NAV2: variants seen among roughly 807,000 people sequenced by gnomAD.
NAV2 encodes the protein neuron navigator 2, also known as helicase, APC down-regulated 1.
A neutral mutation model predicts 223.2 loss-of-function variants in NAV2; 54 were observed. The ratio of observed to expected loss-of-function variants is 0.24; its 90% confidence interval spans 0.19 to 0.30. The LOEUF is 0.30. Among genes scored for constraint, NAV2 ranks in the 10% least tolerant of loss-of-function variants. NAV2 has a pLI of 1.00. For missense variants in NAV2, 2,806 were observed against 3,147.5 expected, an observed-to-expected ratio of 0.89 and a Z score of 2.60; for synonymous variants, 1,279 against 1,239.3, an observed-to-expected ratio of 1.03 and a Z score of -0.67.
intron 1 of NAV2, among the ~76,000 whole-genome samples, chr11:19,661,917 A>G (rs886310141): frequency 6.6e-6 from 1 of 152,190 alleles, no homozygotes; most frequent in Non-Finnish European, 1.5e-5. Context: ...GGGCTCTTGA[A>G]TTTGAGGTGA....
chr11:19,630,922 C>CAAA (rs10642100), intron 1 of NAV2, among the ~76,000 whole-genome samples: 1,740 of 99,950 alleles, frequency 0.017, 89 homozygotes, highest in African/African-American at 0.063. Flanking sequence ...GGTCCTGTTG[C>CAAA]AAAAAAAAAA....
intron 10 of NAV2, among the ~76,000 whole-genome samples, chr11:19,959,443 G>C (rs1412488941): frequency 6.6e-6 from 1 of 152,180 alleles, no homozygotes; most frequent in Non-Finnish European, 1.5e-5. Flanking sequence ...TGGGGACCTT[G>C]TAAGTTCTCA....
intron 1 of NAV2, among the ~76,000 whole-genome samples, chr11:19,445,437 C>T (rs536679087): frequency 6.6e-6 from 1 of 152,280 alleles, no homozygotes; most frequent in East Asian, 1.9e-4. Flanking sequence ...TTCATGTTAA[C>T]TTGTTTAATC....
At chr11:19,714,528 A>G (rs1432604669) in intron 1 of NAV2, 2 of 448,722 alleles carry the variant, frequency 4.5e-6, no homozygotes, top group South Asian at 1.6e-5. Context: ...ATTCCGGGCA[A>G]GGTGCTGGGA....
intron 4 of NAV2, among the ~76,000 whole-genome samples, chr11:19,869,901 C>G (rs2062366564): frequency 1.3e-5 from 2 of 152,198 alleles, no homozygotes; most frequent in South Asian, 4.1e-4. Context: ...TGGATTCCAT[C>G]TGGGACCTGT....
Position 20,049,071 on chromosome 11 carries a change from A to G in NAV2, c.4246A>G (p.Ile1416Val), listed in dbSNP as rs770353589. The change falls in exon 15 of 38, where the codon ATC becomes GTC. Residue 1416 changes from isoleucine (I) to valine (V), a missense_variant. Physicochemically the swap from Ile to Val is conservative, Grantham distance 29 (BLOSUM62 3). Transcript: ENST00000349880. ...CCACACCAGCTGTGAGTCCATCGAC[A>G]TCTCCCTCAGCAGTGGAGGGGTCCC... Reference protein sequence around the residue: ...SLHTSCESIDISLSSGGVPSH... With the variant: ...SLHTSCESIDVSLSSGGVPSH... 6.2e-7 allele frequency: 1 copy of G among 1,614,070 alleles called. No individual in the cohort carries two copies. Among genetic ancestry groups the G allele is most frequent in the South Asian group, 1.1e-5 (1 of 91,060 alleles).
chr11:19,790,344 G>A (rs973264182), intron 1 of NAV2, among the ~76,000 whole-genome samples: 1 of 152,188 alleles, frequency 6.6e-6, no homozygotes, highest in African/African-American at 2.4e-5. Context: ...TCCAGAGAGG[G>A]AAAGTGATTT....
chr11:20,088,703 A>G (rs981393676), intron 26 of NAV2, among the ~76,000 whole-genome samples: 2 of 152,216 alleles, frequency 1.3e-5, no homozygotes, highest in African/African-American at 2.4e-5. Context: ...AGTGCCAAGA[A>G]GGTATTTTCT....
At chr11:19,915,838 A>C (rs2043754285) in intron 6 of NAV2, among the ~76,000 whole-genome samples, 1 of 152,198 alleles carries the variant, frequency 6.6e-6, no homozygotes, top group Non-Finnish European at 1.5e-5. Flanking sequence ...AGGACTTGGC[A>C]TACAGAGACG....
rs2043851497 is a variant in NAV2, at chr11:19,526,647, T to C, written c.75+175620T>C. Among the ~76,000 whole-genome samples, 3 of 152,144 alleles carry C rather than the reference T, an allele frequency of 2.0e-5. No individual in the cohort carries two copies. In the South Asian group the frequency reaches 6.2e-4, roughly 32 times the overall value. On this transcript the variant is annotated intron_variant, in intron 1 of 37. Coordinates refer to the NAV2 transcript ENST00000360655. The stretch of plus-strand genomic sequence containing the variant: ...CAGACATTTAAAACCCACTCTGCAG[T>C]AGAGGTCTTTCCCACTTTCTCAGAG...
chr11:19,921,327 A>G (rs560836696), intron 6 of NAV2, among the ~76,000 whole-genome samples: 1 of 152,352 alleles, frequency 6.6e-6, no homozygotes, highest in African/African-American at 2.4e-5. Flanking sequence ...CTCCAGAGAA[A>G]TATAATAAGC....
intron 1 of NAV2, among the ~76,000 whole-genome samples, chr11:19,402,514 T>C (rs991657913): frequency 6.6e-5 from 10 of 152,256 alleles, no homozygotes; most frequent in Non-Finnish European, 1.5e-4. Flanking sequence ...TTTTTACCCC[T>C]TCATTGCACT....
chr11:19,553,328 G>A (rs1324399549), intron 1 of NAV2, among the ~76,000 whole-genome samples: 1 of 152,210 alleles, frequency 6.6e-6, no homozygotes, highest in Non-Finnish European at 1.5e-5. Context: ...ATCGTCTTGA[G>A]CAGGGCTCTC....
At chr11:19,438,557 A>G (rs1157539439) in intron 1 of NAV2, among the ~76,000 whole-genome samples, 1 of 152,196 alleles carries the variant, frequency 6.6e-6, no homozygotes, top group Non-Finnish European at 1.5e-5. Flanking sequence ...GACACCAACC[A>G]TTCCAACAAT....
chr11:20,097,877 A>G (rs965163939), intron 31 of NAV2, 132 bp downstream of exon 31: 8 of 747,452 alleles, frequency 1.1e-5, no homozygotes, highest in Admixed American at 8.9e-5. Context: ...CTTCTACCAC[A>G]GTTACTCTAT....
At chr11:19,818,641 C>T (rs1342048944) in intron 1 of NAV2, among the ~76,000 whole-genome samples, 2 of 152,172 alleles carry the variant, frequency 1.3e-5, no homozygotes, top group Non-Finnish European at 2.9e-5. Context: ...TTACAACCAA[C>T]TCTCTTGAGC....
chr11:19,824,719 T>A (rs191790938), intron 1 of NAV2, among the ~76,000 whole-genome samples: 1 of 152,300 alleles, frequency 6.6e-6, no homozygotes. Context: ...CCCATGCAGC[T>A]AAAAGGTTAT....
At chr11:19,945,135 T>G (rs2046804295) in intron 8 of NAV2, among the ~76,000 whole-genome samples, 1 of 146,272 alleles carries the variant, frequency 6.8e-6, no homozygotes, top group African/African-American at 2.5e-5. Context: ...CTTTCTTTCT[T>G]TCTTCCTTTC....
At chr11:19,404,510 C>T (rs1425686472) in intron 1 of NAV2, among the ~76,000 whole-genome samples, 2 of 151,472 alleles carry the variant, frequency 1.3e-5, no homozygotes, top group Non-Finnish European at 2.9e-5. Flanking sequence ...GAGAAATCAA[C>T]CTTCAGCTTT....
Sources: allele counts gnomAD v4.1 joint callset (sites outside exome capture counted in the v4.1 genomes callset), GRCh38; gene constraint gnomAD v4.1.1; transcripts MANE v1.5; gene names NCBI Gene and HGNC (gene_info 2026-07-23, HGNC 2026-07-21).